SLC8A1: variants seen among roughly 807,000 people sequenced by gnomAD.
SLC8A1 encodes the protein solute carrier family 8 member A1.
A neutral mutation model predicts 68.3 loss-of-function variants in SLC8A1; 18 were observed. The observed-to-expected ratio is 0.26, with a 90% confidence interval of 0.18 to 0.39. The LOEUF (loss-of-function observed/expected upper bound fraction) is 0.39. SLC8A1 is among the 10% of genes least tolerant of loss of function. The probability of loss-of-function intolerance (pLI) is 1.00; values close to 1 mark genes in which losing one functional copy is unlikely to be tolerated. For missense variants in SLC8A1, 985 were observed against 1,156.7 expected (o/e 0.85, Z 2.15); for synonymous variants, 475 against 415.5 (o/e 1.14, Z -1.74).
intron 2 of SLC8A1, 39 bp downstream of exon 3, chr2:40,178,348 C>T: frequency 1.3e-6 from 2 of 1,522,174 alleles, no homozygotes; most frequent in Non-Finnish European, 1.8e-6. Flanking sequence ...CACAGGCCAG[C>T]AGAAGCTGTT....
chr2:40,158,616 G>C (rs2045059428), intron 6 of SLC8A1, among the ~76,000 whole-genome samples: 1 of 152,140 alleles, frequency 6.6e-6, no homozygotes, highest in Admixed American at 6.6e-5. Flanking sequence ...ATGGCCGCAG[G>C]TAATGTGACG....
intron 2 of SLC8A1, among the ~76,000 whole-genome samples, chr2:40,226,954 C>A (rs903387430): frequency 6.6e-6 from 1 of 152,048 alleles, no homozygotes; most frequent in Non-Finnish European, 1.5e-5. Flanking sequence ...TTGAAAAACA[C>A]AGAGCTAGAA....
intron 2 of SLC8A1, among the ~76,000 whole-genome samples, chr2:40,323,006 CA>C (rs2075388675): frequency 6.6e-6 from 1 of 151,862 alleles, no homozygotes; most frequent in African/African-American, 2.4e-5. Flanking sequence ...AATTTTAGTT[CA>C]ATAATTTTTA....
At chr2:40,466,820 G>C (rs1703701649) in intron 1 of SLC8A1, among the ~76,000 whole-genome samples, 1 of 151,978 alleles carries the variant, frequency 6.6e-6, no homozygotes, top group African/African-American at 2.4e-5. Context: ...AATACATGCT[G>C]CTTAATTTTT....
intron 2 of SLC8A1, among the ~76,000 whole-genome samples, chr2:40,386,272 G>T (rs1304556897): frequency 2.0e-5 from 3 of 151,124 alleles, no homozygotes; most frequent in African/African-American, 2.5e-5. Context: ...TTTTAGTTTA[G>T]ATATTTTCCA....
intron 2 of SLC8A1, among the ~76,000 whole-genome samples, chr2:40,285,059 C>G (rs1188515618): frequency 6.6e-6 from 1 of 152,090 alleles, no homozygotes; most frequent in Non-Finnish European, 1.5e-5. Context: ...AAATGGTCAG[C>G]TGGACTCCAG....
intron 2 of SLC8A1, among the ~76,000 whole-genome samples, chr2:40,281,761 A>G (rs1221102373): frequency 6.6e-6 from 1 of 152,260 alleles, no homozygotes; most frequent in Non-Finnish European, 1.5e-5. Flanking sequence ...GAGAGCAGTG[A>G]TTACTTCAAC....
chr2:40,447,361 T>A (rs1701632505), intron 1 of SLC8A1, among the ~76,000 whole-genome samples: 1 of 152,058 alleles, frequency 6.6e-6, no homozygotes, highest in African/African-American at 2.4e-5. Context: ...AGAAGCCAAA[T>A]TTTGGAGAGT....
chr2:40,228,575 C>T (rs749991393), intron 2 of SLC8A1, among the ~76,000 whole-genome samples: 3 of 152,174 alleles, frequency 2.0e-5, no homozygotes, highest in Non-Finnish European at 4.4e-5. Flanking sequence ...GTGTTGGCAT[C>T]ACTGAACTTC....
At chr2:40,310,329 G>A (rs538279062) in intron 2 of SLC8A1, among the ~76,000 whole-genome samples, 3 of 152,282 alleles carry the variant, frequency 2.0e-5, no homozygotes, top group African/African-American at 7.2e-5. Flanking sequence ...AACCCAGTGA[G>A]ACATGAAAAA....
intron 1 of SLC8A1, among the ~76,000 whole-genome samples, chr2:40,446,986 A>G (rs1701563908): frequency 6.6e-6 from 1 of 152,190 alleles, no homozygotes; most frequent in Non-Finnish European, 1.5e-5. Flanking sequence ...CTGAATCACT[A>G]CCTTGTTTGA....
chr2:40,162,561 A>G (rs2045870566), intron 5 of SLC8A1, among the ~76,000 whole-genome samples: 1 of 152,040 alleles, frequency 6.6e-6, no homozygotes, highest in South Asian at 2.1e-4. Context: ...AACTCAGGGT[A>G]GATTTTAAAC....
intron 7 of SLC8A1, among the ~76,000 whole-genome samples, chr2:40,134,056 T>G (rs2039991786): frequency 6.6e-6 from 1 of 151,696 alleles, no homozygotes; most frequent in Admixed American, 6.6e-5. Context: ...AATTCAGCAC[T>G]CCAGAGTATA....
exon 8 of SLC8A1, chr2:40,098,115 G>T (rs2033683306): frequency 6.6e-6 from 1 of 151,892 alleles, no homozygotes; most frequent in South Asian, 2.1e-4. Context: ...ATTTTGGTGT[G>T]TTTTGTCTTC....
At chr2:40,509,052 G>A (rs1027782823) in intron 1 of SLC8A1, among the ~76,000 whole-genome samples, 3 of 152,130 alleles carry the variant, frequency 2.0e-5, no homozygotes, top group African/African-American at 4.8e-5. Flanking sequence ...AGTACCAAGT[G>A]CCTCTTGAAT....
At chr2:40,364,377 T>G (rs1229329630) in intron 2 of SLC8A1, among the ~76,000 whole-genome samples, 3 of 151,970 alleles carry the variant, frequency 2.0e-5, no homozygotes, top group Non-Finnish European at 4.4e-5. Context: ...TGTGTGTGTA[T>G]GTTTAGGGTA....
At chr2:40,415,058 G>C (rs768467671) in intron 2 of SLC8A1, among the ~76,000 whole-genome samples, 3 of 152,160 alleles carry the variant, frequency 2.0e-5, no homozygotes, top group Non-Finnish European at 4.4e-5. Flanking sequence ...GGACTCTGAG[G>C]ACTATTCATG....
At chr2:40,466,627 A>G (rs1305887497) in intron 1 of SLC8A1, among the ~76,000 whole-genome samples, 4 of 152,166 alleles carry the variant, frequency 2.6e-5, no homozygotes, top group Non-Finnish European at 5.9e-5. Context: ...TTGTAGTGCA[A>G]TAAGGATAAA....
chr2:40,186,403 G>A (rs1344714102), intron 2 of SLC8A1, among the ~76,000 whole-genome samples: 1 of 152,054 alleles, frequency 6.6e-6, no homozygotes, highest in Non-Finnish European at 1.5e-5. Flanking sequence ...GTTGCTTACT[G>A]ATTTGGGGTT....
Sources: allele counts gnomAD v4.1 joint callset (sites outside exome capture counted in the v4.1 genomes callset), GRCh38; gene constraint gnomAD v4.1.1; transcripts MANE v1.5; gene names NCBI Gene and HGNC (gene_info 2026-07-23, HGNC 2026-07-21).